SPON1: variants seen among roughly 807,000 people sequenced by gnomAD.
SPON1 encodes the protein spondin 1.
A neutral mutation model predicts 111.7 loss-of-function variants in SPON1; 52 were observed. The ratio of observed to expected loss-of-function variants is 0.47; its 90% CI spans 0.37 to 0.59. SPON1 has a LOEUF of 0.59. Among genes scored for constraint, SPON1 ranks in the 20% least tolerant of loss-of-function variants. The pLI, the probability that SPON1 is intolerant of heterozygous loss-of-function variation, is 0.00. For synonymous variants in SPON1, 410 were observed against 395.8 expected, an observed-to-expected ratio of 1.04 and a Z score of -0.43; for missense variants, 957 against 1,068.5, an observed-to-expected ratio of 0.90 and a Z score of 1.46.
chr11:14,179,216 G>C (rs781847036), intron 6 of SPON1, among the ~76,000 whole-genome samples: 3 of 152,136 alleles, frequency 2.0e-5, no homozygotes, highest in Non-Finnish European at 4.4e-5. Context: ...GCTTGTTTTT[G>C]TTTATCTTAC....
In SPON1 at chr11:13,963,052, G is replaced by T; in HGVS notation, c.148G>T (p.Ala50Ser). The T allele has an allele frequency of 6.3e-7, 1 of 1,580,208 alleles. No homozygotes were observed. ...SEGYCSRILR[A>S]QGTRREGYTE... The stretch of plus-strand genomic sequence containing the variant: ...GGGCTACTGCAGCCGTATCCTGCGC[G>T]CCCAGGGCACGCGGCGCGAGGGCTA... Residue 50 changes from alanine to serine, a missense_variant, in exon 1 of 16, where the codon GCC becomes TCC. Ala to Ser is a moderately conservative substitution (Grantham distance 99, BLOSUM62 1). This residue lies in a region of SPON1 where 262 missense variants were observed against 253.9 expected (regional missense o/e 1.03). Coordinates refer to ENST00000576479, the MANE Select transcript of SPON1 (RefSeq NM_006108.4).
intron 6 of SPON1, among the ~76,000 whole-genome samples, chr11:14,209,326 T>C (rs1263972331): frequency 6.6e-6 from 1 of 152,182 alleles, no homozygotes; most frequent in Non-Finnish European, 1.5e-5. Flanking sequence ...GTTTGTTACA[T>C]AGGTATACAT....
intron 14 of SPON1, 103 bp from the exon 15 acceptor site, chr11:14,262,609 C>G (rs1849199161): frequency 2.1e-6 from 3 of 1,448,142 alleles, no homozygotes; most frequent in East Asian, 4.6e-5. Flanking sequence ...GACACAGCAC[C>G]TGCTTTGCAT....
chr11:14,035,790 T>A (rs1591357744), intron 2 of SPON1, among the ~76,000 whole-genome samples: 2 of 152,008 alleles, frequency 1.3e-5, no homozygotes, highest in South Asian at 4.1e-4. Context: ...GCTAATTTTT[T>A]ATTTTTTTAT....
intron 1 of SPON1, among the ~76,000 whole-genome samples, chr11:13,969,443 T>C (rs1848045815): frequency 6.6e-6 from 1 of 152,070 alleles, no homozygotes; most frequent in Non-Finnish European, 1.5e-5. Flanking sequence ...CAAGCTTATG[T>C]TGTGGCTTGT....
rs562228131 is a variant in SPON1, at chr11:14,173,255, G to A, written c.825+37687G>A. Among the ~76,000 whole-genome samples, 1,441 of 150,858 alleles carry A rather than the reference G, an allele frequency of 9.6e-3. 12 individuals carry two copies. Among genetic ancestry groups the A allele is most frequent in the Middle Eastern group, 0.024 (7 of 288 alleles). On this transcript the variant is annotated intron_variant, in intron 6 of 15. Coordinates refer to ENST00000576479, the MANE Select transcript of SPON1 (RefSeq NM_006108.4). Reference sequence around the variant, plus strand: ...CATTTCATTCATTTCGTCTTCCATCGCTGATACCCTTTCTTCCAGTTGATT... The same window carrying A: ...CATTTCATTCATTTCGTCTTCCATCACTGATACCCTTTCTTCCAGTTGATT...
intron 5 of SPON1, among the ~76,000 whole-genome samples, chr11:14,125,888 G>T (rs1847454159): frequency 6.6e-6 from 1 of 152,242 alleles, no homozygotes; most frequent in African/African-American, 2.4e-5. Flanking sequence ...TATAGTTCCA[G>T]TCTCAGTGTG....
chr11:14,061,701 A>G (rs1433655410), intron 3 of SPON1, among the ~76,000 whole-genome samples: 1 of 152,214 alleles, frequency 6.6e-6, no homozygotes, highest in Non-Finnish European at 1.5e-5. Flanking sequence ...GTGATTAAAT[A>G]CACTTGGAGG....
intron 2 of SPON1, among the ~76,000 whole-genome samples, chr11:14,032,770 A>C (rs1848568352): frequency 1.3e-5 from 2 of 152,174 alleles, no homozygotes; most frequent in South Asian, 4.1e-4. Context: ...CCTCTAGAGA[A>C]GAAATATTTA....
At chr11:14,207,524 C>A (rs1591411404) in intron 6 of SPON1, among the ~76,000 whole-genome samples, 1 of 151,792 alleles carries the variant, frequency 6.6e-6, no homozygotes, top group South Asian at 2.1e-4. Flanking sequence ...AGAAAAAAAC[C>A]AAACAACCTC....
Position 14,041,559 on chromosome 11 carries a change from C to A in SPON1, c.384C>A (p.Cys128Ter). 6.2e-7 allele frequency: 1 copy of A among 1,613,914 alleles called. No homozygotes were observed. Among genetic ancestry groups the A allele is most frequent in the Non-Finnish European group, 8.5e-7 (1 of 1,179,854 alleles). ...AAGAAACTCAGTTTATGAGCAATTG[C>A]CCTGTTGCAGTCACTGAAAGCACTC... ...DEEETQFMSNCPVAVTESTPR... is the reference protein window; with the variant it reads ...DEEETQFMSN Residue 128 changes from cysteine (C) to a stop codon, truncating the protein, a stop_gained, in exon 3 of 16, where the codon TGC becomes TGA. Transcript: ENST00000576479. LOFTEE classifies it high-confidence loss of function.
At chr11:14,230,074 T>G (rs1848781793) in intron 6 of SPON1, among the ~76,000 whole-genome samples, 1 of 151,700 alleles carries the variant, frequency 6.6e-6, no homozygotes, top group Non-Finnish European at 1.5e-5. Context: ...TCCCCAAACC[T>G]CAAATATGTG....
chr11:14,158,384 A>C (rs115460494), intron 6 of SPON1, among the ~76,000 whole-genome samples: 1 of 152,144 alleles, frequency 6.6e-6, no homozygotes, highest in Non-Finnish European at 1.5e-5. Context: ...TTCTACCCAG[A>C]GTTGCAAACT....
intron 15 of SPON1, among the ~76,000 whole-genome samples, chr11:14,264,099 T>C (rs940065731): frequency 2.0e-5 from 3 of 150,674 alleles, no homozygotes; most frequent in Non-Finnish European, 4.4e-5. Flanking sequence ...GGCACAGAGA[T>C]GCCAAAGACC....
chr11:14,069,807 A>G (rs72858616), intron 3 of SPON1, among the ~76,000 whole-genome samples: 11,869 of 143,930 alleles, frequency 0.082, 619 homozygotes, highest in Middle Eastern at 0.15. Context: ...GACCCCAAGC[A>G]GAGACTGCAG....
intron 2 of SPON1, among the ~76,000 whole-genome samples, chr11:14,040,035 A>T (rs1591358996): frequency 6.6e-6 from 1 of 152,322 alleles, no homozygotes; most frequent in East Asian, 1.9e-4. Context: ...TGGTGAGGAT[A>T]TGGAGGAAAT....
chr11:14,011,386 CTGTGTCA>C (rs200954768), intron 2 of SPON1, among the ~76,000 whole-genome samples: 25,021 of 152,028 alleles, frequency 0.16, 2,662 homozygotes, highest in Non-Finnish European at 0.24. Context: ...AAGCTATGTA[CTGTGTCA>C]TCAGAAAAAT....
intron 7 of SPON1, 90 bp downstream of exon 7, chr11:14,243,486 T>C: frequency 2.7e-6 from 3 of 1,099,242 alleles, no homozygotes; most frequent in Non-Finnish European, 4.1e-6. Context: ...CCAGTTATGC[T>C]GTTGAAGTTA....
intron 1 of SPON1, among the ~76,000 whole-genome samples, chr11:13,967,881 A>C (rs1554908185): frequency 6.6e-6 from 1 of 152,250 alleles, no homozygotes; most frequent in African/African-American, 2.4e-5. Flanking sequence ...CTAATGCTTA[A>C]TGGTTGTGGA....
Sources: allele counts gnomAD v4.1 joint callset (sites outside exome capture counted in the v4.1 genomes callset), GRCh38; gene constraint gnomAD v4.1.1; regional missense constraint gnomAD v4.1.1; transcripts MANE v1.5; gene names NCBI Gene and HGNC (gene_info 2026-07-23, HGNC 2026-07-21).